Variants in SPIRE1 observed in about 807,000 individuals in gnomAD.
SPIRE1 encodes the protein spire type actin nucleation factor 1, also known as protein spire homolog 1.
A neutral mutation model predicts 94.1 loss-of-function variants in SPIRE1; 40 were observed. The ratio of observed to expected loss-of-function variants is 0.43; its 90% CI spans 0.33 to 0.55. The LOEUF is 0.55. Among genes scored for constraint, SPIRE1 ranks in the 20% least tolerant of loss-of-function variants. The pLI, the probability that SPIRE1 is intolerant of heterozygous loss-of-function variation, is 0.06. For missense variants in SPIRE1, 838 were observed against 975.2 expected (o/e 0.86, Z 1.87); for synonymous variants, 376 against 371.7 (o/e 1.01, Z -0.13).
At chr18:12,565,028 C>G (rs975426272) in intron 2 of SPIRE1, among the ~76,000 whole-genome samples, 11 of 151,864 alleles carry the variant, frequency 7.2e-5, no homozygotes, top group Non-Finnish European at 1.0e-4. Flanking sequence ...GAATAATGAC[C>G]AAGAATTTCC....
chr18:12,515,686 A>ACTGC (rs2034175178), intron 4 of SPIRE1, among the ~76,000 whole-genome samples: 1 of 152,170 alleles, frequency 6.6e-6, no homozygotes, highest in Non-Finnish European at 1.5e-5. Context: ...CTCCTCAGGA[A>ACTGC]CTGCCCTTTA....
rs998303834 is a variant in SPIRE1, at chr18:12,657,828, C to T, written c.39G>A (p.Pro13=). 2.6e-6 allele frequency: 3 copies of T among 1,165,536 alleles called. No individual in the cohort carries two copies. The highest frequency in any genetic ancestry group is 2.1e-6 in the Non-Finnish European group (2 of 948,614). 72.2% of individuals were successfully genotyped at this position (1,165,536 alleles called of 1,614,324 possible). A position where few individuals can be genotyped will look rare whatever the true frequency, so the allele number is the denominator to read the frequency against. Residue 13 remains proline, a synonymous_variant, in exon 1 of 17, where the codon CCG becomes CCA. Transcript: ENST00000409402. ...QAAGPAGGGE[P]RTEAVGGEGP... ...CCTCGCCGCCCACTGCCTCAGTCCG[C>T]GGCTCCCCGCCGCCCGCCGGGCCAG... is the stretch of plus-strand genomic sequence containing the variant.
chr18:12,493,327 T>C, intron 7 of SPIRE1, 126 bp from the exon 8 acceptor site: 1 of 866,768 alleles, frequency 1.2e-6, no homozygotes, highest in Non-Finnish European at 1.7e-6. Flanking sequence ...AAAGATTACT[T>C]TCAAGTCATT....
At chr18:12,550,757 CACAA>C (rs1163549694) in intron 2 of SPIRE1, among the ~76,000 whole-genome samples, 2 of 152,154 alleles carry the variant, frequency 1.3e-5, no homozygotes, top group East Asian at 1.9e-4. Context: ...ATACTAAAAT[CACAA>C]ACAATCTCTA....
chr18:12,640,472 A>G (rs2038054432), intron 1 of SPIRE1, among the ~76,000 whole-genome samples: 2 of 152,218 alleles, frequency 1.3e-5, no homozygotes, highest in African/African-American at 4.8e-5. Flanking sequence ...AGTACTACTC[A>G]TAAGCACTGA....
At chr18:12,657,185 G>C (rs1023693539) in intron 1 of SPIRE1, among the ~76,000 whole-genome samples, 3 of 151,026 alleles carry the variant, frequency 2.0e-5, no homozygotes, top group African/African-American at 4.8e-5. Flanking sequence ...CCGCTGGCCC[G>C]GAGCAGGGCC....
At chr18:12,477,794 C>A (rs914068329) in intron 10 of SPIRE1, among the ~76,000 whole-genome samples, 1 of 152,122 alleles carries the variant, frequency 6.6e-6, no homozygotes, top group African/African-American at 2.4e-5. Flanking sequence ...CCAAGCTGAG[C>A]ACCGATGGGC....
At chr18:12,513,944 A>C (rs1318530099) in intron 4 of SPIRE1, among the ~76,000 whole-genome samples, 2 of 152,184 alleles carry the variant, frequency 1.3e-5, no homozygotes, top group Non-Finnish European at 2.9e-5. Context: ...CTGGGGCTCC[A>C]GTAATTCTCC....
chr18:12,508,826 C>T (rs1211338069), intron 5 of SPIRE1, among the ~76,000 whole-genome samples: 1 of 152,140 alleles, frequency 6.6e-6, no homozygotes, highest in Non-Finnish European at 1.5e-5. Context: ...AGGTGCCCGC[C>T]ACTATGCCAA....
At position 12,446,886 on chromosome 18, in the gene SPIRE1, C is replaced by T. The variant is rs2030958475; in HGVS notation, c.*2752G>A. 6.6e-6 allele frequency: 1 copy of T among 152,178 alleles called. No individual in the cohort carries two copies. The highest frequency in any genetic ancestry group is 1.9e-4 in the East Asian group (1 of 5,198). 9.4% of individuals were successfully genotyped at this position (152,178 alleles called of 1,614,324 possible). On this transcript the variant is annotated 3_prime_UTR_variant, in exon 17 of 17. Transcript: ENST00000409402. ...GATCATTTTAAGCCTCTTACATAAC[C>T]ACCTTCTGGTTTCATTTGAAATCCT...
intron 2 of SPIRE1, among the ~76,000 whole-genome samples, chr18:12,603,574 AT>A (rs71174104): frequency 0.37 from 51,279 of 138,128 alleles, 9,711 homozygotes; most frequent in East Asian, 0.57. Context: ...CCAGTAGCCA[AT>A]TTTTTTTTTT....
At chr18:12,513,888 G>C (rs2034115666) in intron 4 of SPIRE1, among the ~76,000 whole-genome samples, 1 of 152,064 alleles carries the variant, frequency 6.6e-6, no homozygotes, top group Non-Finnish European at 1.5e-5. Flanking sequence ...TGTTGCTCAG[G>C]CTGGAGTGCA....
intron 2 of SPIRE1, among the ~76,000 whole-genome samples, chr18:12,619,749 G>A (rs1303750112): frequency 6.6e-6 from 1 of 150,932 alleles, no homozygotes; most frequent in African/African-American, 2.4e-5. Flanking sequence ...AGGAGGCTGA[G>A]GCAGGAGAAT....
At position 12,457,332 on chromosome 18, in the gene SPIRE1, T is replaced by C. The variant is rs140989666; in HGVS notation, c.1639-2849A>G. ...TAAATAGTTACTAAAATAGTTTTAA[T>C]TATTTTTTTCAGTTTACAAAAATAT... is the stretch of plus-strand genomic sequence containing the variant. On this transcript the variant is annotated intron_variant, in intron 12 of 16. Transcript: ENST00000409402. 1.6e-3 allele frequency among the ~76,000 whole-genome samples: 240 copies of C among 152,348 alleles called. 2 individuals carry two copies. Among genetic ancestry groups the C allele is most frequent in the Non-Finnish European group, 2.4e-3 (160 of 68,036 alleles).
chr18:12,551,725 G>T (rs368615975), intron 2 of SPIRE1, among the ~76,000 whole-genome samples: 4 of 151,746 alleles, frequency 2.6e-5, no homozygotes, highest in Non-Finnish European at 5.9e-5. Context: ...AATATGGGGC[G>T]GGAGAGGGGT....
chr18:12,636,784 T>G (rs2037940657), intron 1 of SPIRE1, among the ~76,000 whole-genome samples: 1 of 152,234 alleles, frequency 6.6e-6, no homozygotes, highest in African/African-American at 2.4e-5. Flanking sequence ...TACATAAAAC[T>G]CTACATTCAA....
intron 8 of SPIRE1, 139 bp from the exon 9 acceptor site, chr18:12,486,139 T>C (rs552934715): frequency 1.6e-6 from 1 of 626,540 alleles, no homozygotes; most frequent in East Asian, 3.3e-5. Flanking sequence ...AGCTAGTGAA[T>C]GAAAATCTGA....
intron 2 of SPIRE1, among the ~76,000 whole-genome samples, chr18:12,557,256 A>G (rs1297153530): frequency 1.3e-5 from 2 of 152,208 alleles, no homozygotes; most frequent in African/African-American, 2.4e-5. Flanking sequence ...GGGCAGGGAC[A>G]GGGCTCAGGC....
In SPIRE1 at chr18:12,568,041, G is replaced by C. The variant is rs563310693; in HGVS notation, c.373-21137C>G. ...CCACCATTTGGCTCCTGCCACCCTG[G>C]GATCCAATTACTTCCATTGCATTAG... is the stretch of plus-strand genomic sequence containing the variant. On this transcript the variant is annotated intron_variant, in intron 2 of 16. Transcript: ENST00000409402. Among the ~76,000 whole-genome samples the C allele has an allele frequency of 5.6e-4, 85 of 152,200 alleles. 1 individual carries two copies. Among genetic ancestry groups the C allele is most frequent in the African/African-American group, 2.0e-3 (84 of 41,534 alleles).
Sources: allele counts gnomAD v4.1 joint callset (sites outside exome capture counted in the v4.1 genomes callset), GRCh38; gene constraint gnomAD v4.1.1; transcripts MANE v1.5; gene names NCBI Gene and HGNC (gene_info 2026-07-23, HGNC 2026-07-21).